METTL16: variants seen among roughly 807,000 people sequenced by gnomAD.
METTL16 encodes RNA N(6)-adenosine-methyltransferase METTL16.
Under a neutral mutation model 57.9 loss-of-function variants are expected in METTL16, and 19 were observed. That is an observed-to-expected ratio of 0.33 (90% CI 0.23 to 0.48). The LOEUF (loss-of-function observed/expected upper bound fraction) is 0.48. Among genes scored for constraint, METTL16 ranks in the 20% least tolerant of loss-of-function variants. The pLI is 0.99. For synonymous variants in METTL16, 246 were observed against 255.6 expected, an observed-to-expected ratio of 0.96 and a Z score of 0.36; for missense variants, 434 against 691.5, an observed-to-expected ratio of 0.63 and a Z score of 4.18.
At chr17:2,500,888 G>A (rs187698312) in intron 2 of METTL16, among the ~76,000 whole-genome samples, 41 of 152,166 alleles carry the variant, frequency 2.7e-4, no homozygotes, top group African/African-American at 7.7e-4. Flanking sequence ...AAGCCAAGGC[G>A]GGCGGATCAC....
intron 7 of METTL16, among the ~76,000 whole-genome samples, chr17:2,441,200 A>C (rs768989891): frequency 2.6e-5 from 4 of 152,154 alleles, no homozygotes; most frequent in Non-Finnish European, 5.9e-5. Flanking sequence ...CAACTGAGAC[A>C]AATACCACGT....
rs570442590 is a variant in METTL16 at position 2,498,465 on chromosome 17, C to T, written c.128+3739G>A. On this transcript the variant is annotated intron_variant, in intron 2 of 9. Transcript: ENST00000263092. ...AAAAATCCTAACCATCAGCTGGGCG[C>T]GGTGGCTCACGCCTGTAATCCCAGT... is the stretch of plus-strand genomic sequence containing the variant. Among the ~76,000 whole-genome samples, 78 of 151,384 alleles carry T rather than the reference C, an allele frequency of 5.2e-4. 1 individual carries two copies. The highest frequency in any genetic ancestry group is 1.6e-3 in the African/African-American group (64 of 40,870).
At chr17:2,476,167 A>G (rs2067267266) in intron 3 of METTL16, among the ~76,000 whole-genome samples, 1 of 152,242 alleles carries the variant, frequency 6.6e-6, no homozygotes, top group South Asian at 2.1e-4. Context: ...AGAAACAAAG[A>G]GAACCAGGAT....
At chr17:2,426,212 C>G (rs2066817124) in intron 8 of METTL16, among the ~76,000 whole-genome samples, 1 of 151,906 alleles carries the variant, frequency 6.6e-6, no homozygotes, top group Non-Finnish European at 1.5e-5. Flanking sequence ...AGAGGAGACC[C>G]CAGTGCAGTG....
Position 2,497,422 on chromosome 17 carries a change from C to T in METTL16, c.128+4782G>A, listed in dbSNP as rs182065620. ...CTACCTCTCAAGCTCAAGCGATTCT[C>T]GTGCCTCAGCCTTCTGAGTAGCTGA... On this transcript the variant is annotated intron_variant, in intron 2 of 9. Coordinates refer to ENST00000263092, the MANE Select transcript of METTL16 (RefSeq NM_024086.4). Among the ~76,000 whole-genome samples the T allele has an allele frequency of 2.2e-4, 33 of 147,472 alleles. 1 individual carries two copies. The highest frequency in any genetic ancestry group is 3.6e-3 in the Middle Eastern group (1 of 278).
chr17:2,468,974 C>T (rs529046059), intron 4 of METTL16, among the ~76,000 whole-genome samples: 14 of 151,242 alleles, frequency 9.3e-5, no homozygotes, highest in Non-Finnish European at 2.1e-4. Flanking sequence ...GTGGCTCATG[C>T]CTATAATTCC....
chr17:2,470,629 T>G (rs1249596446), intron 4 of METTL16, among the ~76,000 whole-genome samples: 1 of 151,954 alleles, frequency 6.6e-6, no homozygotes, highest in Non-Finnish European at 1.5e-5. Flanking sequence ...GGCAACACGG[T>G]AAGACCCCAT....
At chr17:2,466,662 C>T (rs1597457908) in intron 5 of METTL16, among the ~76,000 whole-genome samples, 1 of 152,298 alleles carries the variant, frequency 6.6e-6, no homozygotes, top group Middle Eastern at 3.4e-3. Context: ...ATTTGAATTT[C>T]ACCTGCCCAC....
intron 1 of METTL16, among the ~76,000 whole-genome samples, chr17:2,510,191 CAT>C (rs1313011967): frequency 1.3e-5 from 2 of 152,110 alleles, no homozygotes; most frequent in East Asian, 3.8e-4. Context: ...TTATGGGGGA[CAT>C]GTGACATTTA....
intron 2 of METTL16, among the ~76,000 whole-genome samples, chr17:2,489,435 A>G (rs1384436894): frequency 1.3e-5 from 2 of 152,056 alleles, no homozygotes; most frequent in Non-Finnish European, 2.9e-5. Context: ...CAGGCAGGTC[A>G]CCTGACGTCA....
In METTL16 at chr17:2,464,236, C is replaced by T; in HGVS notation, c.700G>A (p.Asp234Asn). ...ELEFVKRIIHDSLQLKKRLRW... is the reference protein window; with the variant it reads ...ELEFVKRIIHNSLQLKKRLRW... ...AATCTTTTTTTAAGTTGTAGACTGT[C>T]ATGGATGATCCTTTTAACAAACTCT... Residue 234 changes from aspartate (D) to asparagine (N), a missense_variant, in exon 6 of 10, where the codon GAC (aspartate) becomes AAC (asparagine). This residue lies in a region of METTL16 where 118 missense variants were observed against 280.0 expected (regional missense o/e 0.42). Transcript: ENST00000263092. The T allele has an allele frequency of 6.2e-7, 1 of 1,613,786 alleles. No individual in the cohort carries two copies. Among genetic ancestry groups the T allele is most frequent in the Non-Finnish European group, 8.5e-7 (1 of 1,179,904 alleles).
chr17:2,442,121 T>G (rs1002049961), intron 6 of METTL16, among the ~76,000 whole-genome samples: 1 of 152,254 alleles, frequency 6.6e-6, no homozygotes, highest in Non-Finnish European at 1.5e-5. Context: ...TAGAATATAC[T>G]GCTTCTGATT....
intron 2 of METTL16, among the ~76,000 whole-genome samples, chr17:2,478,286 T>A (rs980663427): frequency 6.6e-6 from 1 of 152,246 alleles, no homozygotes; most frequent in Admixed American, 6.5e-5. Context: ...TAGCATAATG[T>A]CTGGTGCATA....
At chr17:2,463,602 C>T (rs1278577010) in intron 6 of METTL16, among the ~76,000 whole-genome samples, 2 of 152,002 alleles carry the variant, frequency 1.3e-5, no homozygotes, top group African/African-American at 4.8e-5. Flanking sequence ...GCTGGGACTA[C>T]AGGCACCCAC....
chr17:2,417,087 A>ATTTTT lies in METTL16; in HGVS notation c.*2882_*2883insAAAAA, dbSNP rs1567876454. 96 of 11,364 alleles carry ATTTTT rather than the reference A, an allele frequency of 8.4e-3. 3 individuals carry two copies. Among genetic ancestry groups the ATTTTT allele is most frequent in the African/African-American group, 0.027 (91 of 3,388 alleles). The allele number at this position is 11,364 out of a possible 1,614,324, so 0.7% of individuals were successfully genotyped here. ...TTTTTTTTTTTTTTTTTTTTTTTTG[A>ATTTTT]GACAGTCCCACTTTGTCGCCCAGGC... On this transcript the variant is annotated 3_prime_UTR_variant, in exon 10 of 10. Coordinates refer to ENST00000263092, the MANE Select transcript of METTL16 (RefSeq NM_024086.4).
intron 6 of METTL16, 67 bp from the exon 7 acceptor site, chr17:2,441,626 T>G: frequency 9.8e-7 from 1 of 1,016,260 alleles, no homozygotes; most frequent in South Asian, 1.8e-5. Context: ...TAAGCATTAT[T>G]CAAGTGAATA....
At chr17:2,476,691 C>A (rs1001358999) in intron 3 of METTL16, among the ~76,000 whole-genome samples, 1 of 152,226 alleles carries the variant, frequency 6.6e-6, no homozygotes, top group Non-Finnish European at 1.5e-5. Flanking sequence ...CATGGTGGCT[C>A]ACGCCTGTAA....
intron 3 of METTL16, among the ~76,000 whole-genome samples, chr17:2,476,900 G>A (rs890439089): frequency 1.3e-5 from 2 of 151,506 alleles, no homozygotes; most frequent in African/African-American, 2.4e-5. Flanking sequence ...AGGTTGCAAC[G>A]AGTCGAGACC....
intron 4 of METTL16, 35 bp from the exon 5 acceptor site, chr17:2,467,911 A>G (rs764335154): frequency 7.0e-7 from 1 of 1,424,640 alleles, no homozygotes. Context: ...ACTAATATTA[A>G]TGTTGCAGTG....
Sources: gnomAD v4.1 joint callset for allele counts (sites outside exome capture counted in the v4.1 genomes callset) on GRCh38, gnomAD v4.1.1 for gene constraint, gnomAD v4.1.1 regional missense constraint, MANE v1.5 for transcripts, NCBI Gene and HGNC (gene_info 2026-07-23, HGNC 2026-07-21) for gene names.